C4BPA: variants seen among roughly 807,000 people sequenced by gnomAD.
C4BPA encodes complement component 4 binding protein alpha.
C4BPA carries 31 observed loss-of-function variants against 63.7 expected under a neutral mutation model. That is an observed-to-expected ratio of 0.49 (90% CI 0.37 to 0.66). The LOEUF (loss-of-function observed/expected upper bound fraction) is 0.66, where lower values mean the gene tolerates loss of function less well. Ranked by LOEUF, C4BPA falls within the 30% of genes least tolerant of loss-of-function variation. The pLI is 0.00. For missense variants in C4BPA, 572 were observed against 723.3 expected, an observed-to-expected ratio of 0.79 and a Z score of 2.40; for synonymous variants, 259 against 254.7, an observed-to-expected ratio of 1.02 and a Z score of -0.16.
intron 4 of C4BPA, among the ~76,000 whole-genome samples, chr1:207,116,796 G>T (rs943441808): frequency 6.6e-6 from 1 of 151,958 alleles, no homozygotes; most frequent in Non-Finnish European, 1.5e-5. Flanking sequence ...ACAGTATACA[G>T]TATGAGGTAC....
At chr1:207,124,944 A>G (rs17021201) in intron 6 of C4BPA, among the ~76,000 whole-genome samples, 9,103 of 152,270 alleles carry the variant, frequency 0.06, 602 homozygotes, top group African/African-American at 0.16. Flanking sequence ...ATGAAAATAT[A>G]ATTTGCACCT....
At chr1:207,111,661 T>C (rs544118116) in intron 1 of C4BPA, among the ~76,000 whole-genome samples, 1 of 152,342 alleles carries the variant, frequency 6.6e-6, no homozygotes, top group Admixed American at 6.5e-5. Context: ...ACCAGCTTTA[T>C]GTTGAGGGAC....
chr1:207,105,329 T>G (rs964365805), intron 1 of C4BPA, among the ~76,000 whole-genome samples: 2 of 151,826 alleles, frequency 1.3e-5, no homozygotes, highest in Non-Finnish European at 2.9e-5. Context: ...AGGCCGAGGC[T>G]GGCGGATCAC....
chr1:207,114,415 T>C (rs1025506359), intron 3 of C4BPA, 130 bp downstream of exon 3: 1 of 630,292 alleles, frequency 1.6e-6, no homozygotes, highest in African/African-American at 1.9e-5. Context: ...TGTACATACT[T>C]GTGGCATTTT....
At chr1:207,110,354 G>A (rs566419832) in intron 1 of C4BPA, among the ~76,000 whole-genome samples, 14 of 152,338 alleles carry the variant, frequency 9.2e-5, no homozygotes, top group African/African-American at 3.4e-4. Context: ...GATAGCTGGA[G>A]CCTAAGGGGT....
chr1:207,126,814 G>A lies in C4BPA; in HGVS notation c.808G>A (p.Gly270Ser). ...CACTATTGTGTTTAAGTGCCAAAAA[G>A]GTTTTGTTCTCAGAGGCAGCAGTGT... ...KDTIVFKCQKGFVLRGSSVIH... is the reference protein window; with the variant it reads ...KDTIVFKCQKSFVLRGSSVIH... The change falls in exon 7 of 12, where the codon GGT becomes AGT. Residue 270 changes from glycine (G) to serine (S), a missense_variant. Physicochemically the swap from Gly to Ser is moderately conservative, Grantham distance 56. Around this residue, in one of 2 missense-constraint regions of C4BPA, gnomAD observed 465 missense variants for 629.4 expected, o/e 0.74. Coordinates refer to ENST00000367070, the MANE Select transcript of C4BPA (RefSeq NM_000715.4). 6.2e-7 allele frequency: 1 copy of A among 1,613,284 alleles called. No individual in the cohort carries two copies. The highest frequency in any genetic ancestry group is 8.5e-7 in the Non-Finnish European group (1 of 1,179,530).
chr1:207,143,585 C>A (rs1685467044), intron 10 of C4BPA, among the ~76,000 whole-genome samples: 1 of 152,134 alleles, frequency 6.6e-6, no homozygotes, highest in Non-Finnish European at 1.5e-5. Context: ...GGAATAATAA[C>A]AGTGCTCATT....
chr1:207,132,674 G>A (rs770443911), intron 8 of C4BPA, among the ~76,000 whole-genome samples: 19 of 152,184 alleles, frequency 1.2e-4, no homozygotes, highest in Admixed American at 3.3e-4. Flanking sequence ...AAAACTTACC[G>A]CCATTACTTA....
At chr1:207,106,674 C>T (rs1225342293) in intron 1 of C4BPA, among the ~76,000 whole-genome samples, 1 of 152,176 alleles carries the variant, frequency 6.6e-6, no homozygotes, top group Non-Finnish European at 1.5e-5. Flanking sequence ...ACTTCCTGAC[C>T]TCGTGATCTG....
At chr1:207,139,899 T>C (rs1293399450) in intron 9 of C4BPA, among the ~76,000 whole-genome samples, 1 of 152,206 alleles carries the variant, frequency 6.6e-6, no homozygotes, top group Non-Finnish European at 1.5e-5. Context: ...CAAAGGATTG[T>C]GACTTTTTAT....
chr1:207,133,754 C>A (rs957357215), intron 8 of C4BPA, among the ~76,000 whole-genome samples: 4 of 152,124 alleles, frequency 2.6e-5, no homozygotes, highest in Non-Finnish European at 4.4e-5. Context: ...AAAGCAAGAT[C>A]TTGCCATTTA....
chr1:207,119,073 G>A (rs1243658951), intron 4 of C4BPA, among the ~76,000 whole-genome samples: 1 of 56,962 alleles, frequency 1.8e-5, no homozygotes, highest in South Asian at 8.6e-4. Flanking sequence ...GCCCACCATT[G>A]TAAACTGGAA....
At chr1:207,115,175 C>T (rs534185053) in intron 3 of C4BPA, among the ~76,000 whole-genome samples, 145 of 152,220 alleles carry the variant, frequency 9.5e-4, no homozygotes, top group Admixed American at 3.9e-3. Flanking sequence ...TCCTGGACCA[C>T]GTGTTCTGCT....
At chr1:207,129,172 GAACTCAA>G (rs1685110737) in intron 7 of C4BPA, among the ~76,000 whole-genome samples, 1 of 151,888 alleles carries the variant, frequency 6.6e-6, no homozygotes, top group South Asian at 2.1e-4. Context: ...TTCAAAAGAG[GAACTCAA>G]CAGTAGATTT....
At chr1:207,127,939 A>G (rs746326410) in intron 7 of C4BPA, among the ~76,000 whole-genome samples, 158 of 152,254 alleles carry the variant, frequency 1.0e-3, no homozygotes, top group Middle Eastern at 3.4e-3. Context: ...TGAAAATTAC[A>G]TGACAGTATT....
At chr1:207,118,177 A>ATATC (rs200920256) in intron 4 of C4BPA, among the ~76,000 whole-genome samples, 5 of 147,460 alleles carry the variant, frequency 3.4e-5, no homozygotes, top group Non-Finnish European at 4.5e-5. Context: ...CTATCTATCT[A>ATATC]TATCTATCTA....
intron 4 of C4BPA, 73 bp from the exon 5 acceptor site, chr1:207,123,849 A>G (rs1239307076): frequency 2.5e-6 from 2 of 805,186 alleles, no homozygotes; most frequent in Non-Finnish European, 4.2e-6. Flanking sequence ...TAACAATTCT[A>G]TTTGCTCAGA....
At chr1:207,132,917 C>G (rs114229283) in intron 8 of C4BPA, among the ~76,000 whole-genome samples, 3,026 of 152,130 alleles carry the variant, frequency 0.02, 75 homozygotes, top group African/African-American at 0.07. Flanking sequence ...CCCAGCTACT[C>G]AGGACGCTGA....
chr1:207,120,462 T>C (rs1684900501), intron 4 of C4BPA, among the ~76,000 whole-genome samples: 1 of 152,190 alleles, frequency 6.6e-6, no homozygotes, highest in Non-Finnish European at 1.5e-5. Context: ...ATTCTTCCAC[T>C]GAAGACTTCC....
Sources: gnomAD v4.1 joint callset for allele counts (sites outside exome capture counted in the v4.1 genomes callset) on GRCh38, gnomAD v4.1.1 for gene constraint, gnomAD v4.1.1 regional missense constraint, MANE v1.5 for transcripts, NCBI Gene and HGNC (gene_info 2026-07-23, HGNC 2026-07-21) for gene names.